Variants in TTLL10 observed in about 807,000 individuals in gnomAD.
TTLL10 encodes inactive polyglycylase TTLL10.
TTLL10 carries 61 observed loss-of-function variants against 69.0 expected under a neutral mutation model. The ratio of observed to expected loss-of-function variants is 0.88; its 90% CI spans 0.72 to 1.09. The LOEUF (loss-of-function observed/expected upper bound fraction) is 1.09. Ranked by LOEUF, TTLL10 falls within the 50% of genes least tolerant of loss-of-function variation. TTLL10 has a pLI of 0.00. For missense variants in TTLL10, 962 were observed against 945.9 expected, an observed-to-expected ratio of 1.02 and a Z score of -0.22; for synonymous variants, 408 against 393.3, an observed-to-expected ratio of 1.04 and a Z score of -0.44.
At position 1,185,909 on chromosome 1, in the gene TTLL10, A is replaced by G. The variant is rs1299058581; in HGVS notation, c.1401+800A>G. 3 of 836,444 alleles carry G rather than the reference A, an allele frequency of 3.6e-6. No individual in the cohort carries two copies. In the African/African-American group the frequency reaches 5.5e-5, roughly 15 times the overall value. 51.8% of individuals were successfully genotyped at this position (836,444 alleles called of 1,614,324 possible). ...TTAGTATTTCAAAAGTTGTGCAATT[A>G]TCACCACCAATTCCAGAACATTTCA... On this transcript the variant is annotated intron_variant, in intron 13 of 15. Transcript: ENST00000379289. This position sits in a 1 kb window ranked among gnomAD's most constrained non-coding sequence, Gnocchi z 6.1.
At chr1:1,184,767 T>C (rs1289280472) in intron 12 of TTLL10, among the ~76,000 whole-genome samples, 20 of 90,120 alleles carry the variant, frequency 2.2e-4, no homozygotes, top group Non-Finnish European at 3.1e-4. Context: ...TGCAGAAGCC[T>C]TCTAGGTTAG....
At position 1,188,720 on chromosome 1, in the gene TTLL10, T is replaced by G. The variant is rs147725041; in HGVS notation, c.1401+3611T>G. ...ACACCCAGCCTCATCGAAATTTTAA[T>G]AGGCATTGCATTGAATCTGTAAGTC... On this transcript the variant is annotated intron_variant, in intron 13 of 15. Transcript: ENST00000379289. 6.2e-3 allele frequency among the ~76,000 whole-genome samples: 949 copies of G among 152,264 alleles called. 8 individuals carry two copies. The highest frequency in any genetic ancestry group is 0.021 in the African/African-American group (864 of 41,538).
At chr1:1,191,965 T>C (rs1157566037) in intron 13 of TTLL10, among the ~76,000 whole-genome samples, 2 of 152,282 alleles carry the variant, frequency 1.3e-5, no homozygotes, top group Non-Finnish European at 2.9e-5. Context: ...CAGGTGTTCC[T>C]TGCCCTCATT....
In TTLL10 at chr1:1,182,865, G is replaced by A. The variant is rs765878001; in HGVS notation, c.917-11G>A. Reference sequence around the variant, plus strand: ...GGGCGAGGCCAGGGGCTCAGGCCGCGCTCTCTGCAGAAACCCAGATATGGA... The same window carrying A: ...GGGCGAGGCCAGGGGCTCAGGCCGCACTCTCTGCAGAAACCCAGATATGGA... On this transcript the variant is annotated splice_polypyrimidine_tract_variant and intron_variant, in intron 10 of 15. Coordinates refer to ENST00000379289, the MANE Select transcript of TTLL10 (RefSeq NM_001130045.2). 12 of 1,557,534 alleles carry A rather than the reference G, an allele frequency of 7.7e-6. No homozygotes were observed. The highest frequency in any genetic ancestry group is 7.1e-5 in the South Asian group (6 of 84,472).
chr1:1,180,925 CCCTGCA>C (rs1647043766), intron 8 of TTLL10, 65 bp downstream of exon 8: 44 of 1,414,842 alleles, frequency 3.1e-5, no homozygotes, highest in Non-Finnish European at 4.1e-5. Flanking sequence ...CTGCCCCTGC[CCCTGCA>C]CCCGCCCCAC....
intron 13 of TTLL10, among the ~76,000 whole-genome samples, chr1:1,187,686 C>A (rs1455742851): frequency 6.6e-6 from 1 of 151,988 alleles, no homozygotes; most frequent in Non-Finnish European, 1.5e-5. Context: ...AGGTGGATCA[C>A]CTGAGGTCAG....
rs753948134 is a variant in TTLL10, at chr1:1,180,522, C to G, written c.546C>G (p.Ile182Met). ...GCAAAAGCAAGGGCTGGCAGCGCATCCATGACAGCCGCCGGGACGACTACA... is the reference window on the plus strand; with the variant it reads ...GCAAAAGCAAGGGCTGGCAGCGCATGCATGACAGCCGCCGGGACGACTACA... ...SYCKSKGWQR[I>M]HDSRRDDYTL... The change falls in exon 7 of 16, where the codon ATC (isoleucine) becomes ATG (methionine). Residue 182 changes from isoleucine (I) to methionine (M), a missense_variant. Ile to Met is a conservative substitution (Grantham distance 10). Transcript: ENST00000379289. 6.4e-7 allele frequency: 1 copy of G among 1,552,922 alleles called. No individual in the cohort carries two copies. The highest frequency in any genetic ancestry group is 1.7e-4 in the Middle Eastern group (1 of 5,912).
chr1:1,185,393 C>T lies in TTLL10; in HGVS notation c.1401+284C>T. 1 of 1,279,312 alleles carries T rather than the reference C, an allele frequency of 7.8e-7. No individual in the cohort carries two copies. 79.2% of individuals were successfully genotyped at this position (1,279,312 alleles called of 1,614,324 possible). ...GTAGGGTCAGGGGACAGCTCGGCTT[C>T]AGTGACAGCCACCATGTGAAGAGTC... On this transcript the variant is annotated intron_variant, in intron 13 of 15. Transcript: ENST00000379289. This position sits in a 1 kb window ranked among gnomAD's most constrained non-coding sequence, Gnocchi z 6.1.
rs189178933 is a variant in TTLL10 at position 1,193,320 on chromosome 1, G to A, written c.1402-3280G>A. ...AGCCTGGGTGACAGAGCGAGACTCC[G>A]TCTCAAAAAATAATAATAATAATAA... On this transcript the variant is annotated intron_variant, in intron 13 of 15. Coordinates refer to ENST00000379289, the MANE Select transcript of TTLL10 (RefSeq NM_001130045.2). Among the ~76,000 whole-genome samples the A allele has an allele frequency of 2.7e-3, 406 of 152,180 alleles. 2 individuals are homozygous for A. Among genetic ancestry groups the A allele is most frequent in the Middle Eastern group, 0.014 (4 of 294 alleles).
chr1:1,179,578 C>T (rs983225144), intron 4 of TTLL10, 79 bp from the exon 5 acceptor site: 2 of 1,538,140 alleles, frequency 1.3e-6, no homozygotes, highest in Admixed American at 2.0e-5. Context: ...GGAAGGGCAG[C>T]CCCTCGTCTC....
chr1:1,188,132 G>C (rs1395074456), intron 13 of TTLL10, among the ~76,000 whole-genome samples: 2 of 150,278 alleles, frequency 1.3e-5, no homozygotes, highest in African/African-American at 5.0e-5. Flanking sequence ...AATGGTCCTG[G>C]CATAGTATCA....
intron 13 of TTLL10, among the ~76,000 whole-genome samples, chr1:1,192,010 G>C (rs546332525): frequency 6.6e-6 from 1 of 152,366 alleles, no homozygotes; most frequent in East Asian, 1.9e-4. Context: ...GTGGGCGTTA[G>C]GGCCATTGTG....
At chr1:1,195,638 C>G (rs960502281) in intron 13 of TTLL10, among the ~76,000 whole-genome samples, 1 of 151,516 alleles carries the variant, frequency 6.6e-6, no homozygotes, top group African/African-American at 2.4e-5. Context: ...AGCCACTGTG[C>G]CCGGCCCATA....
At chr1:1,188,031 T>C (rs1332029043) in intron 13 of TTLL10, among the ~76,000 whole-genome samples, 2 of 152,204 alleles carry the variant, frequency 1.3e-5, no homozygotes, top group Non-Finnish European at 2.9e-5. Context: ...TTGTGTATGG[T>C]GTGAGTTAGG....
intron 9 of TTLL10, 101 bp from the exon 10 acceptor site, chr1:1,182,260 C>T (rs895644638): frequency 9.5e-7 from 1 of 1,053,106 alleles, no homozygotes; most frequent in Admixed American, 1.7e-5. Context: ...GGTGCCACTG[C>T]CCACACTCCC....
chr1:1,179,449 A>T, intron 4 of TTLL10, 116 bp downstream of exon 4: 1 of 1,239,704 alleles, frequency 8.1e-7, no homozygotes. Context: ...CAGGATCCAC[A>T]CATGGCCATG....
chr1:1,179,948 G>A (rs1433636669), intron 5 of TTLL10, 86 bp from the exon 6 acceptor site: 1 of 1,443,510 alleles, frequency 6.9e-7, no homozygotes, highest in Non-Finnish European at 9.1e-7. Flanking sequence ...TTGGAGAAAT[G>A]GGCTGGGAGC....
At chr1:1,186,067 C>T (rs900718768) in intron 13 of TTLL10, among the ~76,000 whole-genome samples, 9 of 151,708 alleles carry the variant, frequency 5.9e-5, no homozygotes, top group Non-Finnish European at 7.4e-5. Flanking sequence ...GGTTCATCCA[C>T]GTAGTTCACG....
At chr1:1,178,106 C>T (rs973352551) in intron 3 of TTLL10, among the ~76,000 whole-genome samples, 1 of 152,220 alleles carries the variant, frequency 6.6e-6, no homozygotes, top group Non-Finnish European at 1.5e-5. Context: ...GAGGGGCAGA[C>T]ACAAAGGCTT....
Sources: allele counts gnomAD v4.1 joint callset (sites outside exome capture counted in the v4.1 genomes callset), GRCh38; gene constraint gnomAD v4.1.1; non-coding constraint Gnocchi (gnomAD v3.1); transcripts MANE v1.5; gene names NCBI Gene and HGNC (gene_info 2026-07-23, HGNC 2026-07-21).